IL15: variants seen among roughly 807,000 people sequenced by gnomAD.
IL15 encodes interleukin 15.
IL15 carries 11 observed loss-of-function variants against 19.6 expected under a neutral mutation model. The observed-to-expected ratio is 0.56, with a 90% CI of 0.35 to 0.93. IL15 has a LOEUF of 0.93. Among genes scored for constraint, IL15 ranks in the 40% least tolerant of loss-of-function variants. The pLI, the probability that IL15 is intolerant of heterozygous loss-of-function variation, is 0.01. For missense variants in IL15, 197 were observed against 186.5 expected (o/e 1.06, Z -0.33); for synonymous variants, 58 against 59.6 (o/e 0.97, Z 0.12).
intron 4 of IL15, chr4:141,721,677 G>C (rs1730086335): frequency 3.7e-6 from 2 of 540,578 alleles, no homozygotes; most frequent in African/African-American, 1.9e-5. Flanking sequence ...TATTTATAAA[G>C]TATGCCTACA....
At chr4:141,657,159 C>T (rs1030381150) in intron 2 of IL15, among the ~76,000 whole-genome samples, 3 of 151,912 alleles carry the variant, frequency 2.0e-5, no homozygotes, top group Admixed American at 2.0e-4. Flanking sequence ...AATTGTAACA[C>T]AATGATAAGT....
chr4:141,691,513 A>G lies in IL15; in HGVS notation c.-99-27853A>G, dbSNP rs1165720942. Among the ~76,000 whole-genome samples, 8 of 152,200 alleles carry G rather than the reference A, an allele frequency of 5.3e-5. No individual in the cohort carries two copies. In the South Asian group the frequency reaches 1.5e-3, roughly 28 times the overall value. On this transcript the variant is annotated intron_variant, in intron 2 of 7. Coordinates refer to ENST00000320650, the MANE Select transcript of IL15 (RefSeq NM_000585.5). ...CTATGAGCCTGTAAAATCAAAAACAAGTTAGTTATTTCCAAGATAAAATGG... is the reference window on the plus strand; with the variant it reads ...CTATGAGCCTGTAAAATCAAAAACAGGTTAGTTATTTCCAAGATAAAATGG...
At chr4:141,728,014 T>C (rs766471257) in intron 6 of IL15, 30 bp downstream of exon 6, 5 of 1,066,656 alleles carry the variant, frequency 4.7e-6, no homozygotes, top group Non-Finnish European at 7.0e-6. Context: ...AAATTGCTAT[T>C]TGTCTTGTTA....
At chr4:141,712,721 TG>T (rs151242327) in intron 2 of IL15, among the ~76,000 whole-genome samples, 16,645 of 150,494 alleles carry the variant, frequency 0.11, 1,005 homozygotes, top group Non-Finnish European at 0.14. Context: ...TAATGCTTTT[TG>T]ATAGTGATTG....
intron 2 of IL15, among the ~76,000 whole-genome samples, chr4:141,685,886 A>G (rs1461964612): frequency 6.6e-6 from 1 of 152,054 alleles, no homozygotes; most frequent in African/African-American, 2.4e-5. Context: ...GTATTTTGTT[A>G]TTCTTACTGT....
intron 2 of IL15, among the ~76,000 whole-genome samples, chr4:141,685,215 A>T (rs541497569): frequency 1.3e-5 from 2 of 152,188 alleles, no homozygotes; most frequent in Non-Finnish European, 2.9e-5. Context: ...TAGAGAATTC[A>T]ATGTTTTAAC....
At position 141,727,978 on chromosome 4, in the gene IL15, T is replaced by A. The variant is rs746679146; in HGVS notation, c.234T>A (p.Asp78Glu). 17 of 1,350,552 alleles carry A rather than the reference T, an allele frequency of 1.3e-5. No individual in the cohort carries two copies. In the African/African-American group the frequency reaches 1.9e-4, roughly 15 times the overall value. The allele number at this position is 1,350,552 out of a possible 1,614,324, so 83.7% of individuals were successfully genotyped here. A position where few individuals can be genotyped will look rare whatever the true frequency, so the allele number is the denominator to read the frequency against. The stretch of plus-strand genomic sequence containing the variant: ...ATGCTACTTTATATACGGAAAGTGA[T>A]GTTCACGTGAGTATACTTTTTTTCA... ...HIDATLYTES[D>E]VHPSCKVTAM... Residue 78 changes from aspartate (D) to glutamate (E), a missense_variant, in exon 6 of 8, where the codon GAT (aspartate) becomes GAA (glutamate). Transcript: ENST00000320650.
intron 2 of IL15, among the ~76,000 whole-genome samples, chr4:141,661,893 C>T (rs1255601605): frequency 6.6e-6 from 1 of 152,080 alleles, no homozygotes; most frequent in Non-Finnish European, 1.5e-5. Context: ...TTTTCTGTGT[C>T]TCATGATGAT....
intron 2 of IL15, among the ~76,000 whole-genome samples, chr4:141,704,971 T>A (rs1467898367): frequency 6.6e-6 from 1 of 151,944 alleles, no homozygotes; most frequent in Non-Finnish European, 1.5e-5. Flanking sequence ...ATCTCTCACT[T>A]GTTTTTTACC....
chr4:141,700,022 G>A (rs556183801), intron 2 of IL15, among the ~76,000 whole-genome samples: 7 of 152,136 alleles, frequency 4.6e-5, no homozygotes, highest in South Asian at 4.2e-4. Flanking sequence ...GGGTTCAGGC[G>A]ATTCTCCTGC....
At chr4:141,668,551 T>C (rs1425648279) in intron 2 of IL15, among the ~76,000 whole-genome samples, 1 of 152,234 alleles carries the variant, frequency 6.6e-6, no homozygotes, top group East Asian at 1.9e-4. Context: ...GTCAGGAGTT[T>C]GGCTGGGTTG....
intron 2 of IL15, among the ~76,000 whole-genome samples, chr4:141,701,057 C>T (rs2152181660): frequency 6.6e-6 from 1 of 152,172 alleles, no homozygotes; most frequent in South Asian, 2.1e-4. Context: ...TTGCTTTTCA[C>T]CTTCTCTGGT....
chr4:141,696,153 G>T (rs188684769), intron 2 of IL15, among the ~76,000 whole-genome samples: 37 of 152,146 alleles, frequency 2.4e-4, no homozygotes, highest in Admixed American at 7.2e-4. Flanking sequence ...TTTTCTGCAT[G>T]TGATGATGCA....
chr4:141,707,693 T>A (rs1308040453), intron 2 of IL15, among the ~76,000 whole-genome samples: 1 of 152,198 alleles, frequency 6.6e-6, no homozygotes, highest in Non-Finnish European at 1.5e-5. Context: ...GACTCAGTGG[T>A]CTACGCTGTG....
chr4:141,642,414 C>T (rs1445784154), intron 1 of IL15, among the ~76,000 whole-genome samples: 2 of 152,112 alleles, frequency 1.3e-5, no homozygotes, highest in South Asian at 2.1e-4. Context: ...GCCAGAGGTG[C>T]GTGTTGTTCA....
At chr4:141,703,754 A>AAG in intron 2 of IL15, among the ~76,000 whole-genome samples, 1 of 150,744 alleles carries the variant, frequency 6.6e-6, no homozygotes, top group East Asian at 1.9e-4. Context: ...AAAAAAAAAA[A>AAG]GGTGTATAGA....
At chr4:141,695,776 T>G (rs1729071436) in intron 2 of IL15, among the ~76,000 whole-genome samples, 1 of 152,122 alleles carries the variant, frequency 6.6e-6, no homozygotes, top group South Asian at 2.1e-4. Context: ...TTTTGCCCAT[T>G]TTTCAAGTTG....
At position 141,705,006 on chromosome 4, in the gene IL15, A is replaced by T. The variant is rs1579037206; in HGVS notation, c.-99-14360A>T. Among the ~76,000 whole-genome samples the T allele has an allele frequency of 5.3e-5, 8 of 151,402 alleles. 1 individual carries two copies. In the South Asian group the frequency reaches 1.7e-3, roughly 32 times the overall value. Reference sequence around the variant, plus strand: ...CATAGGTAAAGGTTTGTTGATTTTTATCTTTTTAAAAAGCCAAATCTTTGT... The same window carrying T: ...CATAGGTAAAGGTTTGTTGATTTTTTTCTTTTTAAAAAGCCAAATCTTTGT... On this transcript the variant is annotated intron_variant, in intron 2 of 7. Coordinates refer to ENST00000320650, the MANE Select transcript of IL15 (RefSeq NM_000585.5).
At chr4:141,678,215 T>C (rs540336585) in intron 2 of IL15, among the ~76,000 whole-genome samples, 1 of 152,228 alleles carries the variant, frequency 6.6e-6, no homozygotes, top group Non-Finnish European at 1.5e-5. Context: ...CATATATTTC[T>C]GTGATTTGCA....
Sources: gnomAD v4.1 joint callset for allele counts (sites outside exome capture counted in the v4.1 genomes callset) on GRCh38, gnomAD v4.1.1 for gene constraint, MANE v1.5 for transcripts, NCBI Gene and HGNC (gene_info 2026-07-23, HGNC 2026-07-21) for gene names.